The following NAA35 variants were observed in gnomAD, a reference collection of about 807,000 sequenced individuals.
NAA35 encodes N-alpha-acetyltransferase 35, NatC auxiliary subunit, also known as MAK10 homolog, amino-acid N-acetyltransferase subunit.
NAA35 carries 18 observed loss-of-function variants against 101.7 expected under a neutral mutation model. The ratio of observed to expected loss-of-function variants is 0.18; its 90% CI spans 0.12 to 0.26. The LOEUF (loss-of-function observed/expected upper bound fraction) is 0.26, where lower values mean the gene tolerates loss of function less well. NAA35 is among the 10% of genes least tolerant of loss of function. The pLI, the probability that NAA35 is intolerant of heterozygous loss-of-function variation, is 1.00. For synonymous variants in NAA35, 267 were observed against 273.1 expected (o/e 0.98, Z 0.22); for missense variants, 601 against 886.8 (o/e 0.68, Z 4.09).
At chr9:85,942,512 T>G (rs1003099491) in intron 2 of NAA35, among the ~76,000 whole-genome samples, 3 of 152,250 alleles carry the variant, frequency 2.0e-5, no homozygotes, top group African/African-American at 7.2e-5. Flanking sequence ...TTTTTCTTGC[T>G]TTAACAGGTT....
rs1223735186 is a variant in NAA35, at chr9:86,021,951, A to G, written c.2169A>G (p.Lys723=). The change falls in exon 23 of 23, where the codon AAA becomes AAG. Residue 723 remains lysine, a synonymous_variant. Coordinates refer to ENST00000361671, the MANE Select transcript of NAA35 (RefSeq NM_024635.4). ...CTCATAAATATTTTCCTGTTGTGAA[A>G]CTTGTTTGAGAGAGACTGGGGAGGT... ...FSAHKYFPVV[K]LV 1.2e-6 allele frequency: 2 copies of G among 1,613,574 alleles called. No homozygotes were observed. Among genetic ancestry groups the G allele is most frequent in the African/African-American group, 1.3e-5 (1 of 75,020 alleles).
At chr9:86,008,789 ACTT>A (rs1271164043) in intron 14 of NAA35, among the ~76,000 whole-genome samples, 1 of 152,158 alleles carries the variant, frequency 6.6e-6, no homozygotes, top group Non-Finnish European at 1.5e-5. Flanking sequence ...GTGATTTGAA[ACTT>A]CTTCTGAAGC....
chr9:85,941,619 C>T (rs913371176), intron 1 of NAA35: 5 of 986,220 alleles, frequency 5.1e-6, no homozygotes, highest in Admixed American at 6.1e-5. Flanking sequence ...TGCCTCGGCC[C>T]TAGGCCCGGC....
chr9:85,962,758 G>T (rs1587579621), intron 6 of NAA35, among the ~76,000 whole-genome samples: 1 of 152,142 alleles, frequency 6.6e-6, no homozygotes, highest in Non-Finnish European at 1.5e-5. Context: ...GCTGTTTTTG[G>T]ATGTTGTGGG....
At chr9:85,965,550 C>T (rs1432235334) in intron 6 of NAA35, among the ~76,000 whole-genome samples, 2 of 152,090 alleles carry the variant, frequency 1.3e-5, no homozygotes, top group East Asian at 3.9e-4. Flanking sequence ...ATCACCTGAG[C>T]CTGGGGAGGT....
At chr9:85,985,324 T>C (rs1830602544) in intron 11 of NAA35, among the ~76,000 whole-genome samples, 2 of 152,322 alleles carry the variant, frequency 1.3e-5, no homozygotes, top group Non-Finnish European at 1.5e-5. Context: ...ATAGCAGCAT[T>C]ATTCATAATA....
At chr9:85,976,554 T>C (rs1323130678) in intron 8 of NAA35, 131 bp from the exon 9 acceptor site, 4 of 570,080 alleles carry the variant, frequency 7.0e-6, no homozygotes, top group African/African-American at 1.9e-5. Flanking sequence ...TAGACACGGC[T>C]TTTTTTCCCC....
intron 2 of NAA35, among the ~76,000 whole-genome samples, chr9:85,955,599 G>A (rs1301556422): frequency 1.3e-5 from 2 of 151,800 alleles, no homozygotes; most frequent in Non-Finnish European, 2.9e-5. Flanking sequence ...TCCTGACCTC[G>A]TGATCCACCC....
chr9:85,960,054 T>C (rs193145664), intron 5 of NAA35, among the ~76,000 whole-genome samples, 187 bp downstream of exon 5: 19 of 152,368 alleles, frequency 1.2e-4, no homozygotes, highest in Non-Finnish European at 2.5e-4. Context: ...TTTTACATTC[T>C]AATTTTCTGG....
intron 6 of NAA35, among the ~76,000 whole-genome samples, chr9:85,971,726 AC>A (rs895415986): frequency 1.3e-5 from 2 of 152,094 alleles, no homozygotes; most frequent in Non-Finnish European, 2.9e-5. Flanking sequence ...TGGTACCATC[AC>A]CTGCTTAGAC....
intron 2 of NAA35, among the ~76,000 whole-genome samples, chr9:85,949,435 C>T (rs963410364): frequency 7.9e-5 from 12 of 151,976 alleles, no homozygotes; most frequent in Non-Finnish European, 1.8e-4. Flanking sequence ...GCTGGGACTA[C>T]AGGTGCCTGC....
In NAA35 at chr9:85,974,936, T is replaced by C. The variant is rs759724948; in HGVS notation, c.517-31T>C. 4.5e-6 allele frequency: 7 copies of C among 1,542,166 alleles called. No individual in the cohort carries two copies. The Admixed American group carries it at 1.2e-4, about 27-fold the overall frequency. The stretch of plus-strand genomic sequence containing the variant: ...GCCGCTATTTAAGGTTTTTTGCTAT[T>C]CATGAGCCTGATTATTTCCTTTTTG... On this transcript the variant is annotated intron_variant, in intron 6 of 22. Coordinates refer to ENST00000361671, the MANE Select transcript of NAA35 (RefSeq NM_024635.4).
At chr9:85,970,537 C>T (rs1023927158) in intron 6 of NAA35, among the ~76,000 whole-genome samples, 1 of 152,172 alleles carries the variant, frequency 6.6e-6, no homozygotes, top group Non-Finnish European at 1.5e-5. Context: ...CACGTGCCGG[C>T]TTATACAGTG....
chr9:85,957,875 A>C (rs1418672705), intron 3 of NAA35, among the ~76,000 whole-genome samples: 2 of 151,856 alleles, frequency 1.3e-5, no homozygotes, highest in African/African-American at 4.8e-5. Flanking sequence ...TAAAGCGTAG[A>C]TTGCTGGGTC....
intron 6 of NAA35, among the ~76,000 whole-genome samples, chr9:85,964,618 A>G (rs988108036): frequency 4.6e-5 from 7 of 152,170 alleles, no homozygotes; most frequent in African/African-American, 1.4e-4. Flanking sequence ...GTCTCTGGTG[A>G]CATTGATATT....
intron 2 of NAA35, among the ~76,000 whole-genome samples, chr9:85,946,196 C>T (rs1828756425): frequency 6.6e-6 from 1 of 151,924 alleles, no homozygotes; most frequent in Non-Finnish European, 1.5e-5. Flanking sequence ...GAAGTGCATA[C>T]AATGCCATGA....
intron 6 of NAA35, among the ~76,000 whole-genome samples, chr9:85,969,461 A>G (rs895955078): frequency 2.0e-5 from 3 of 152,124 alleles, no homozygotes; most frequent in Non-Finnish European, 4.4e-5. Context: ...CCCATGCTCT[A>G]TCTTCAAAGA....
intron 2 of NAA35, among the ~76,000 whole-genome samples, chr9:85,954,772 C>T (rs1461694421): frequency 6.6e-6 from 1 of 152,122 alleles, no homozygotes; most frequent in Non-Finnish European, 1.5e-5. Context: ...ATCATTAGTA[C>T]AGGTGTCAAC....
rs149041931 is a variant in NAA35, at chr9:85,949,434, A to G, written c.125-6926A>G. On this transcript the variant is annotated intron_variant, in intron 2 of 22. Transcript: ENST00000361671. ...CTTGGCCTCCCGAGTAGCTGGGACT[A>G]CAGGTGCCTGCCACCATGCCCGGCT... Among the ~76,000 whole-genome samples, 789 of 151,886 alleles carry G rather than the reference A, an allele frequency of 5.2e-3. 4 individuals are homozygous for G. The highest frequency in any genetic ancestry group is 0.018 in the African/African-American group (750 of 41,392).
Sources: gnomAD v4.1 joint callset for allele counts (sites outside exome capture counted in the v4.1 genomes callset) on GRCh38, gnomAD v4.1.1 for gene constraint, MANE v1.5 for transcripts, NCBI Gene and HGNC (gene_info 2026-07-23, HGNC 2026-07-21) for gene names.